The following SEPTIN11 variants were observed in gnomAD, a reference collection of about 807,000 sequenced individuals.
The protein encoded by SEPTIN11 is septin-11.
SEPTIN11 carries 25 observed loss-of-function variants against 51.4 expected under a neutral mutation model. That is an observed-to-expected ratio of 0.49 (90% CI 0.35 to 0.68). The LOEUF (loss-of-function observed/expected upper bound fraction) is 0.68. Among genes scored for constraint, SEPTIN11 ranks in the 30% least tolerant of loss-of-function variants. The probability of loss-of-function intolerance (pLI) is 0.00; values close to 1 mark genes in which losing one functional copy is unlikely to be tolerated. For synonymous variants in SEPTIN11, 174 were observed against 184.1 expected (o/e 0.95, Z 0.44); for missense variants, 381 against 520.8 (o/e 0.73, Z 2.61).
intron 1 of SEPTIN11, chr4:76,972,625 T>C (rs1323663923): frequency 6.6e-6 from 1 of 152,154 alleles, no homozygotes; most frequent in Non-Finnish European, 1.5e-5. Flanking sequence ...AGCAGTTGAG[T>C]ACAAACTGAG....
Position 77,005,748 on chromosome 4 carries a change from C to A in SEPTIN11, c.290C>A (p.Thr97Asn). 17 of 1,613,866 alleles carry A rather than the reference C, an allele frequency of 1.1e-5. No homozygotes were observed. Among genetic ancestry groups the A allele is most frequent in the Non-Finnish European group, 1.4e-5 (17 of 1,179,882 alleles). Residue 97 changes from threonine to asparagine, a missense_variant, in exon 3 of 10, where the codon ACC (threonine) becomes AAC (asparagine). Coordinates refer to ENST00000264893, the MANE Select transcript of SEPTIN11 (RefSeq NM_018243.4). ...LQESNVRLKL[T>N]IVDTVGFGDQ... ...GAAAGCAATGTACGGCTGAAGTTAA[C>A]CATTGTTGACACCGTGGGATTTGGA...
intron 2 of SEPTIN11, among the ~76,000 whole-genome samples, chr4:77,002,396 C>A (rs890719217): frequency 2.0e-5 from 3 of 152,268 alleles, no homozygotes; most frequent in Admixed American, 2.0e-4. Context: ...TAATTGAAGT[C>A]TTTATTGCTA....
chr4:76,987,878 C>A, intron 1 of SEPTIN11: 3 of 949,330 alleles, frequency 3.2e-6, no homozygotes, highest in Non-Finnish European at 3.8e-6. Context: ...GGGGTATGTA[C>A]TTCTTCTCTT....
At position 77,036,368 on chromosome 4, in the gene SEPTIN11, C is replaced by T. The variant is rs1727024256; in HGVS notation, c.*1856C>T. 6 of 1,061,394 alleles carry T rather than the reference C, an allele frequency of 5.7e-6. No individual in the cohort carries two copies. The highest frequency in any genetic ancestry group is 2.8e-5 in the South Asian group (1 of 35,294). The allele number at this position is 1,061,394 out of a possible 1,614,324, so 65.7% of individuals were successfully genotyped here. A position where few individuals can be genotyped will look rare whatever the true frequency, so the allele number is the denominator to read the frequency against. ...ATTCAAACCATGGGCTGAATTTGCT[C>T]ATAGGCTGTGCATCAGACAAAAGCT... On this transcript the variant is annotated 3_prime_UTR_variant, in exon 10 of 10. Coordinates refer to ENST00000264893, the MANE Select transcript of SEPTIN11 (RefSeq NM_018243.4).
intron 1 of SEPTIN11, among the ~76,000 whole-genome samples, chr4:76,990,827 C>A (rs1723339539): frequency 6.6e-6 from 1 of 152,196 alleles, no homozygotes; most frequent in South Asian, 2.1e-4. Flanking sequence ...TGCATGACTG[C>A]AGAAGCAAAA....
rs1325477930 is a variant in SEPTIN11, at chr4:76,984,461, A to T, written c.28-11964A>T. The stretch of plus-strand genomic sequence containing the variant: ...GGCTAATTTATATCCGGTGATAGAA[A>T]TGGTGGCATCGGGAAGGAAGCGTCC... On this transcript the variant is annotated intron_variant, in intron 1 of 9. Transcript: ENST00000264893. This position sits in a 1 kb window ranked among gnomAD's most constrained non-coding sequence, Gnocchi z 4.1. Among the ~76,000 whole-genome samples, 1 of 152,226 alleles carries T rather than the reference A, an allele frequency of 6.6e-6. No homozygotes were observed. The highest frequency in any genetic ancestry group is 1.5e-5 in the Non-Finnish European group (1 of 68,026).
At chr4:76,987,344 G>A (rs1188246771) in intron 1 of SEPTIN11, among the ~76,000 whole-genome samples, 1 of 152,050 alleles carries the variant, frequency 6.6e-6, no homozygotes, top group Admixed American at 6.5e-5. Flanking sequence ...TCTAGGCATG[G>A]GATTTCATGG....
chr4:77,001,281 GA>G (rs1309479576), intron 2 of SEPTIN11, among the ~76,000 whole-genome samples: 2 of 151,396 alleles, frequency 1.3e-5, no homozygotes, highest in Non-Finnish European at 1.5e-5. Context: ...AACAAACTCT[GA>G]AAAAAATCTA....
At chr4:76,974,997 C>T (rs1722422967) in intron 1 of SEPTIN11, among the ~76,000 whole-genome samples, 1 of 151,906 alleles carries the variant, frequency 6.6e-6, no homozygotes, top group Admixed American at 6.6e-5. Flanking sequence ...GTGACACGTG[C>T]CTGTAATCCC....
chr4:77,012,061 C>A, intron 4 of SEPTIN11, 140 bp downstream of exon 4: 1 of 487,164 alleles, frequency 2.1e-6, no homozygotes. Flanking sequence ...GAGAAAAACG[C>A]TTCAAAACCT....
rs949168289 is a variant in SEPTIN11 at position 77,024,582 on chromosome 4, C to T, written c.953+3912C>T. Among the ~76,000 whole-genome samples, 17 of 152,228 alleles carry T rather than the reference C, an allele frequency of 1.1e-4. No individual in the cohort carries two copies. Among genetic ancestry groups the T allele is most frequent in the Non-Finnish European group, 1.9e-4 (13 of 68,042 alleles). On this transcript the variant is annotated intron_variant, in intron 7 of 9. Transcript: ENST00000264893. This position sits in a 1 kb window ranked among gnomAD's most constrained non-coding sequence, Gnocchi z 4.2. ...TGCCCAAGCTGCTCCCATCTCACCTCAGAACACCACCGTCTCCTTGCTTCA... is the reference window on the plus strand; with the variant it reads ...TGCCCAAGCTGCTCCCATCTCACCTTAGAACACCACCGTCTCCTTGCTTCA...
chr4:77,008,379 CT>C (rs1724632700), intron 3 of SEPTIN11, among the ~76,000 whole-genome samples: 1 of 152,180 alleles, frequency 6.6e-6, no homozygotes, highest in Non-Finnish European at 1.5e-5. Flanking sequence ...GAATTTCAAC[CT>C]CACCAAATCT....
At chr4:76,981,726 C>T (rs1722777538) in intron 1 of SEPTIN11, among the ~76,000 whole-genome samples, 1 of 143,230 alleles carries the variant, frequency 7.0e-6, no homozygotes, top group Non-Finnish European at 1.5e-5. Context: ...TGTTTATTAG[C>T]TTCTCTGCAA....
chr4:76,964,008 GTGTTCTCAT>G (rs983906291), intron 1 of SEPTIN11, among the ~76,000 whole-genome samples: 6 of 151,970 alleles, frequency 3.9e-5, no homozygotes, highest in African/African-American at 1.4e-4. Flanking sequence ...CTGTGTCCAA[GTGTTCTCAT>G]TGTTCAATTC....
chr4:76,958,212 C>G (rs1721648007), intron 1 of SEPTIN11, among the ~76,000 whole-genome samples: 1 of 147,468 alleles, frequency 6.8e-6, no homozygotes, highest in Non-Finnish European at 1.5e-5. Context: ...CTTTCTGCCC[C>G]AGGCTTCTCT....
At chr4:76,959,366 G>C (rs189500546) in intron 1 of SEPTIN11, among the ~76,000 whole-genome samples, 1 of 151,018 alleles carries the variant, frequency 6.6e-6, no homozygotes, top group Non-Finnish European at 1.5e-5. Flanking sequence ...CTCCTGTCTA[G>C]GCCTCCCAAA....
intron 7 of SEPTIN11, chr4:77,021,307 A>C (rs1419981468): frequency 6.6e-6 from 1 of 152,464 alleles, no homozygotes; most frequent in African/African-American, 2.4e-5. Context: ...ACCCCGTCAG[A>C]ATCCAGTGGT....
chr4:76,981,743 C>T (rs1722778600), intron 1 of SEPTIN11, among the ~76,000 whole-genome samples: 1 of 25,344 alleles, frequency 3.9e-5, no homozygotes, highest in Non-Finnish European at 7.6e-5. Context: ...GCAAGATATG[C>T]ATTTTTTTTT....
Position 76,949,950 on chromosome 4 carries a change from C to T in SEPTIN11, c.27+20C>T, listed in dbSNP as rs1426122533. Reference sequence around the variant, plus strand: ...CCGTCTGTGAGTGCTGGGGCCTCGCCTGCTGCTCCTCGGGCGCCGGGTGGT... The same window carrying T: ...CCGTCTGTGAGTGCTGGGGCCTCGCTTGCTGCTCCTCGGGCGCCGGGTGGT... On this transcript the variant is annotated intron_variant, in intron 1 of 9. Transcript: ENST00000264893. 2.0e-6 allele frequency: 3 copies of T among 1,463,806 alleles called. No homozygotes were observed. The East Asian group carries it at 8.6e-5, about 42-fold the overall frequency. The allele number at this position is 1,463,806 out of a possible 1,614,324, so 90.7% of individuals were successfully genotyped here.
Sources: gnomAD v4.1 joint callset for allele counts (sites outside exome capture counted in the v4.1 genomes callset) on GRCh38, gnomAD v4.1.1 for gene constraint, Gnocchi (gnomAD v3.1) non-coding constraint, MANE v1.5 for transcripts, NCBI Gene and HGNC (gene_info 2026-07-23, HGNC 2026-07-21) for gene names.